FERMT2: variants seen among roughly 807,000 people sequenced by gnomAD.
FERMT2 encodes the protein fermitin family homolog 2.
Under a neutral mutation model 82.7 loss-of-function variants are expected in FERMT2, and 15 were observed. The ratio of observed to expected loss-of-function variants is 0.18; its 90% confidence interval spans 0.12 to 0.28. The LOEUF is 0.28. FERMT2 is among the 10% of genes least tolerant of loss of function. The pLI is 1.00. For synonymous variants in FERMT2, 274 were observed against 271.5 expected, an observed-to-expected ratio of 1.01 and a Z score of -0.09; for missense variants, 645 against 809.4, an observed-to-expected ratio of 0.80 and a Z score of 2.46.
chr14:52,909,310 C>T (rs1273178060), intron 3 of FERMT2, among the ~76,000 whole-genome samples: 2 of 152,162 alleles, frequency 1.3e-5, no homozygotes, highest in Admixed American at 6.5e-5. Flanking sequence ...GCCTGGAGCT[C>T]TAGGAAGCAT....
At chr14:52,911,322 A>G (rs1888296377) in intron 3 of FERMT2, among the ~76,000 whole-genome samples, 1 of 152,180 alleles carries the variant, frequency 6.6e-6, no homozygotes, top group African/African-American at 2.4e-5. Context: ...AAAAAAATAT[A>G]AGAGCCTAAT....
intron 2 of FERMT2, chr14:52,948,560 A>C: frequency 2.2e-6 from 1 of 455,796 alleles, no homozygotes; most frequent in Non-Finnish European, 4.4e-6. Flanking sequence ...AGCATTTCCT[A>C]CCTTGTTGGG....
intron 2 of FERMT2, among the ~76,000 whole-genome samples, chr14:52,942,630 A>G (rs1890146304): frequency 6.6e-6 from 1 of 152,034 alleles, no homozygotes; most frequent in Admixed American, 6.6e-5. Context: ...TTTCTATTTT[A>G]TAGAAGTCAA....
intron 3 of FERMT2, among the ~76,000 whole-genome samples, chr14:52,918,284 A>G (rs188594990): frequency 6.6e-6 from 1 of 151,858 alleles, no homozygotes; most frequent in Non-Finnish European, 1.5e-5. Context: ...CCTATTTATT[A>G]AAAAAAATCC....
At chr14:52,894,462 C>G (rs906472166) in intron 3 of FERMT2, among the ~76,000 whole-genome samples, 1 of 152,050 alleles carries the variant, frequency 6.6e-6, no homozygotes, top group Non-Finnish European at 1.5e-5. Flanking sequence ...CTAGAATAGT[C>G]AAAGACATTC....
At chr14:52,870,686 A>G (rs183575528) in intron 10 of FERMT2, among the ~76,000 whole-genome samples, 2 of 152,356 alleles carry the variant, frequency 1.3e-5, no homozygotes, top group East Asian at 3.9e-4. Context: ...CATATAGCCT[A>G]GGTGTGCAGT....
rs530865012 is a variant in FERMT2 at position 52,891,077 on chromosome 14, C to T, written c.526+2216G>A. The stretch of plus-strand genomic sequence containing the variant: ...TTCAGAAACCAATGGTTCTACAATG[C>T]CCTAGTCTAAATTCCATCGTCTGTT... On this transcript the variant is annotated intron_variant, in intron 4 of 14. Transcript: ENST00000341590. Among the ~76,000 whole-genome samples the T allele has an allele frequency of 2.0e-5, 3 of 152,268 alleles. No individual in the cohort carries two copies. In the South Asian group the frequency reaches 6.2e-4, roughly 32 times the overall value.
chr14:52,929,443 G>A (rs1397604961), intron 2 of FERMT2, among the ~76,000 whole-genome samples: 3 of 152,052 alleles, frequency 2.0e-5, no homozygotes, highest in African/African-American at 4.8e-5. Flanking sequence ...AAAATCCTTT[G>A]CAACTGCTTC....
At chr14:52,893,599 ATTC>A (rs1264522531) in intron 3 of FERMT2, among the ~76,000 whole-genome samples, 172 bp from the exon 4 acceptor site, 1 of 152,196 alleles carries the variant, frequency 6.6e-6, no homozygotes, top group Non-Finnish European at 1.5e-5. Context: ...TACCCAAAGC[ATTC>A]TTAATTCGTA....
chr14:52,901,930 T>A (rs988792050), intron 3 of FERMT2, among the ~76,000 whole-genome samples: 9 of 152,048 alleles, frequency 5.9e-5, no homozygotes, highest in Non-Finnish European at 1.0e-4. Context: ...ATGGCAGCAA[T>A]GCAACACCAA....
At chr14:52,917,109 C>T (rs1888657051) in intron 3 of FERMT2, among the ~76,000 whole-genome samples, 1 of 152,134 alleles carries the variant, frequency 6.6e-6, no homozygotes, top group Non-Finnish European at 1.5e-5. Flanking sequence ...TGACAGTACT[C>T]TGAAATGAAT....
intron 12 of FERMT2, chr14:52,860,818 C>A: frequency 1.6e-6 from 1 of 627,356 alleles, no homozygotes; most frequent in Non-Finnish European, 2.8e-6. Flanking sequence ...AGCACTATGT[C>A]TATAATCAGA....
rs1884674607 is a variant in FERMT2, at chr14:52,858,041, AG to A, written c.*335del. 1 of 234,304 alleles carries A rather than the reference AG, an allele frequency of 4.3e-6. No homozygotes were observed. The highest frequency in any genetic ancestry group is 2.2e-5 in the African/African-American group (1 of 44,966). The allele number at this position is 234,304 out of a possible 1,614,324, so 14.5% of individuals were successfully genotyped here. ...TGATAAATAGAGTTCATATAGGTTA[AG>A]CCCTGGATAGCTTTAAAATAGATGG... On this transcript the variant is annotated 3_prime_UTR_variant, in exon 15 of 15. Transcript: ENST00000341590.
chr14:52,949,497 A>G (rs1203250350), intron 2 of FERMT2, among the ~76,000 whole-genome samples: 1 of 151,950 alleles, frequency 6.6e-6, no homozygotes, highest in African/African-American at 2.4e-5. Flanking sequence ...TAATCATCTT[A>G]TCACAACTGT....
intron 2 of FERMT2, among the ~76,000 whole-genome samples, chr14:52,921,998 CT>C (rs769912735): frequency 7.9e-5 from 12 of 152,218 alleles, no homozygotes; most frequent in Non-Finnish European, 1.5e-4. Flanking sequence ...TGTAAGAGCA[CT>C]ATGAGTCCAC....
At chr14:52,942,301 TTTTTC>T (rs1384861968) in intron 2 of FERMT2, among the ~76,000 whole-genome samples, 9 of 122,100 alleles carry the variant, frequency 7.4e-5, no homozygotes, top group Admixed American at 6.8e-4. Context: ...AATGTTTTTC[TTTTTC>T]TTTTTTTTTT....
chr14:52,868,376 A>G (rs1374082966), intron 10 of FERMT2, among the ~76,000 whole-genome samples: 3 of 152,014 alleles, frequency 2.0e-5, no homozygotes, highest in Non-Finnish European at 4.4e-5. Flanking sequence ...CTCCATCCTC[A>G]CTGAAGATTA....
intron 3 of FERMT2, among the ~76,000 whole-genome samples, chr14:52,917,055 T>C (rs1409343636): frequency 1.6e-4 from 25 of 152,198 alleles, no homozygotes; most frequent in Admixed American, 1.6e-3. Context: ...TTTCATACAT[T>C]GCTAGTTGGA....
rs540247000 is a variant in FERMT2 at position 52,909,916 on chromosome 14, G to T, written c.391+9207C>A. ...AAAAATACAAAAATTAGCTGGGCGT[G>T]GTGGAGCGCACCTGTAGTCCCAGCT... On this transcript the variant is annotated intron_variant, in intron 3 of 14. Coordinates refer to ENST00000341590, the MANE Select transcript of FERMT2 (RefSeq NM_006832.3). 1.4e-4 allele frequency among the ~76,000 whole-genome samples: 21 copies of T among 152,214 alleles called. No homozygotes were observed. In the East Asian group the frequency reaches 3.9e-3, roughly 28 times the overall value.
Sources: allele counts gnomAD v4.1 joint callset (sites outside exome capture counted in the v4.1 genomes callset), GRCh38; gene constraint gnomAD v4.1.1; transcripts MANE v1.5; gene names NCBI Gene and HGNC (gene_info 2026-07-23, HGNC 2026-07-21).